CCR6: variants seen among roughly 807,000 people sequenced by gnomAD.
CCR6 encodes C-C motif chemokine receptor 6.
A neutral mutation model predicts 3.0 loss-of-function variants in CCR6; 2 were observed. That is an observed-to-expected ratio of 0.66 (90% CI 0.27 to 2.07). The LOEUF (loss-of-function observed/expected upper bound fraction) is 2.07. CCR6 is among the 30% of genes most tolerant of loss of function. The probability of loss-of-function intolerance (pLI) is 0.14; values close to 1 mark genes in which losing one functional copy is unlikely to be tolerated. For missense variants in CCR6, 322 were observed against 462.8 expected (o/e 0.70, Z 2.79); for synonymous variants, 193 against 184.3 (o/e 1.05, Z -0.38).
intron 1 of CCR6, among the ~76,000 whole-genome samples, chr6:167,130,980 TCCCTCTGGACCC>T (rs1781750393): frequency 1.7e-4 from 4 of 23,824 alleles, no homozygotes; most frequent in Non-Finnish European, 3.1e-4. Flanking sequence ...GGGACCACCC[TCCCTCTGGACCC>T]CCTCCCTTTG....
At chr6:167,130,518 A>G (rs1209182145) in intron 1 of CCR6, among the ~76,000 whole-genome samples, 2 of 151,834 alleles carry the variant, frequency 1.3e-5, no homozygotes, top group Non-Finnish European at 2.9e-5. Flanking sequence ...TACCCACGCC[A>G]ATCTGTCACC....
At chr6:167,133,553 T>A (rs1387334772) in intron 1 of CCR6, among the ~76,000 whole-genome samples, 4 of 151,878 alleles carry the variant, frequency 2.6e-5, no homozygotes, top group Admixed American at 6.6e-5. Flanking sequence ...ATTTTTTTTT[T>A]ATCTTTTTCA....
rs1781613757 is a variant in CCR6 at position 167,123,134 on chromosome 6, G to A, written c.-187G>A. 1 of 152,752 alleles carries A rather than the reference G, an allele frequency of 6.5e-6. No individual in the cohort carries two copies. The highest frequency in any genetic ancestry group is 1.5e-5 in the Non-Finnish European group (1 of 68,030). 9.5% of individuals were successfully genotyped at this position (152,752 alleles called of 1,614,324 possible). ...TGACTGCTAGAAGCTGCATCTTATT[G>A]ACAGATGGTCATCACATTGGTGAGC... On this transcript the variant is annotated 5_prime_UTR_variant, in exon 1 of 3. Transcript: ENST00000341935.
At chr6:167,118,799 C>A (rs1430267033), upstream of CCR6, among the ~76,000 whole-genome samples, 1 of 152,134 alleles carries the variant, frequency 6.6e-6, no homozygotes, top group Non-Finnish European at 1.5e-5. Flanking sequence ...ACTATGACAA[C>A]CCCAGGGCCC....
At chr6:167,119,762 T>A (rs886635960), upstream of CCR6, among the ~76,000 whole-genome samples, 114 of 152,384 alleles carry the variant, frequency 7.5e-4, no homozygotes, top group Non-Finnish European at 6.0e-4. Context: ...TAGCCTTTTT[T>A]AACTTTTTTA....
In CCR6 at chr6:167,139,072, A is replaced by G. The variant is rs576436832; in HGVS notation, c.*1717A>G. 6.6e-6 allele frequency: 1 copy of G among 152,464 alleles called. No homozygotes were observed. The highest frequency in any genetic ancestry group is 2.1e-4 in the South Asian group (1 of 4,830). 9.4% of individuals were successfully genotyped at this position (152,464 alleles called of 1,614,324 possible). A position where few individuals can be genotyped will look rare whatever the true frequency, so the allele number is the denominator to read the frequency against. On this transcript the variant is annotated 3_prime_UTR_variant, in exon 3 of 3. Transcript: ENST00000341935. ...CTTTAAAATGCAAAATAATGTCTTA[A>G]GATTCAAAGTCTGTATTTTTAAAGC...
chr6:167,131,513 G>A (rs527550123), intron 1 of CCR6: 1 of 152,492 alleles, frequency 6.6e-6, no homozygotes, highest in Non-Finnish European at 1.5e-5. Flanking sequence ...CCGTGCCGCT[G>A]GCCCCACCTT....
chr6:167,117,216 C>T (rs1433223944), intron 1 of CCR6: 2 of 151,558 alleles, frequency 1.3e-5, no homozygotes, highest in African/African-American at 4.8e-5. Flanking sequence ...GCATCCCTCC[C>T]TACCACCGTC....
upstream of CCR6, among the ~76,000 whole-genome samples, chr6:167,121,744 G>A (rs1460318113): frequency 6.6e-6 from 1 of 152,222 alleles, no homozygotes; most frequent in Non-Finnish European, 1.5e-5. Flanking sequence ...GAAGTTGTGA[G>A]CTCTGTTAGA....
chr6:167,137,357 A>C lies in CCR6; in HGVS notation c.*2A>C, dbSNP rs149010509. 3 of 1,605,766 alleles carry C rather than the reference A, an allele frequency of 1.9e-6. No homozygotes were observed. The African/African-American group carries it at 4.0e-5, about 22-fold the overall frequency. ...AATGCGTCGTCCTTCACTATGTGAT[A>C]GAAAGCTGAGTCTCCCTAAGGCATG... On this transcript the variant is annotated 3_prime_UTR_variant, in exon 3 of 3. Coordinates refer to ENST00000341935, the MANE Select transcript of CCR6 (RefSeq NM_031409.4). The surrounding 1 kb of genome is among the most constrained non-coding windows in gnomAD (Gnocchi z 4.6).
intron 1 of CCR6, among the ~76,000 whole-genome samples, chr6:167,125,726 G>A (rs1381345508): frequency 6.6e-6 from 1 of 152,022 alleles, no homozygotes; most frequent in Non-Finnish European, 1.5e-5. Context: ...TGTATAATTA[G>A]GTGTTCTTTT....
intron 1 of CCR6, among the ~76,000 whole-genome samples, chr6:167,133,942 A>G (rs879335669): frequency 0.015 from 616 of 41,488 alleles, 43 homozygotes; most frequent in East Asian, 0.11. Context: ...GTATATATAT[A>G]TATATATATA....
intron 1 of CCR6, among the ~76,000 whole-genome samples, chr6:167,125,269 C>G (rs991854010): frequency 6.6e-6 from 1 of 152,248 alleles, no homozygotes; most frequent in African/African-American, 2.4e-5. Flanking sequence ...CAAGTCCACA[C>G]AGTTTTTATT....
chr6:167,133,429 G>A (rs1781799667), intron 1 of CCR6, among the ~76,000 whole-genome samples: 1 of 152,186 alleles, frequency 6.6e-6, no homozygotes, highest in Admixed American at 6.5e-5. Context: ...GTGGATCTAT[G>A]TCTGGCCTCT....
At chr6:167,113,394 A>C (rs936049066) in intron 1 of CCR6, among the ~76,000 whole-genome samples, 4 of 152,248 alleles carry the variant, frequency 2.6e-5, no homozygotes, top group African/African-American at 7.2e-5. Context: ...GAGGAATGGC[A>C]GACAGCCAGG....
intron 1 of CCR6, chr6:167,116,932 A>G (rs1781501421): frequency 2.6e-5 from 4 of 152,408 alleles, no homozygotes. Flanking sequence ...AGGAAGAGCC[A>G]GGAAGATAAT....
chr6:167,136,305 A>C lies in CCR6; in HGVS notation c.75A>C (p.Ser25=). ...SEDYFVSVNT[S]YYSVDSEMLL... is the part of the protein sequence containing the mutation. ...ATTATTTTGTGTCAGTCAATACTTC[A>C]TATTACTCAGTTGATTCTGAGATGT... The change falls in exon 3 of 3, where the codon TCA becomes TCC. Residue 25 remains serine (S), a synonymous_variant. Coordinates refer to ENST00000341935, the MANE Select transcript of CCR6 (RefSeq NM_031409.4). The surrounding 1 kb of genome is among the most constrained non-coding windows in gnomAD (Gnocchi z 4.6). The C allele has an allele frequency of 6.2e-7, 1 of 1,613,298 alleles. No individual in the cohort carries two copies. Among genetic ancestry groups the C allele is most frequent in the Non-Finnish European group, 8.5e-7 (1 of 1,179,726 alleles).
intron 1 of CCR6, chr6:167,114,811 C>T (rs1781469260): frequency 6.6e-6 from 1 of 152,254 alleles, no homozygotes; most frequent in Admixed American, 6.5e-5. Context: ...CCAGGGGAGG[C>T]CCCGTCCTTA....
At chr6:167,116,444 G>GC (rs1277419200) in intron 1 of CCR6, among the ~76,000 whole-genome samples, 1 of 152,168 alleles carries the variant, frequency 6.6e-6, no homozygotes, top group Admixed American at 6.5e-5. Context: ...TTTCTCTGAG[G>GC]CCCTCCTCTC....
Sources: allele counts gnomAD v4.1 joint callset (sites outside exome capture counted in the v4.1 genomes callset), GRCh38; gene constraint gnomAD v4.1.1; non-coding constraint Gnocchi (gnomAD v3.1); transcripts MANE v1.5; gene names NCBI Gene and HGNC (gene_info 2026-07-23, HGNC 2026-07-21).